Variants in RAP1GDS1 observed in about 807,000 individuals in gnomAD.
The protein encoded by RAP1GDS1 is Rap1 GTPase-GDP dissociation stimulator 1, also known as RAP1, GTP-GDP dissociation stimulator 1.
RAP1GDS1 carries 35 observed loss-of-function variants against 71.1 expected under a neutral mutation model. That is an observed-to-expected ratio of 0.49 (90% CI 0.38 to 0.65). The LOEUF is 0.65. RAP1GDS1 is among the 30% of genes least tolerant of loss of function. The pLI is 0.00. For missense variants in RAP1GDS1, 663 were observed against 706.1 expected, an observed-to-expected ratio of 0.94 and a Z score of 0.69; for synonymous variants, 229 against 243.1, an observed-to-expected ratio of 0.94 and a Z score of 0.54.
chr4:98,280,218 C>G (rs185478411), intron 1 of RAP1GDS1, among the ~76,000 whole-genome samples: 212 of 152,304 alleles, frequency 1.4e-3, no homozygotes, highest in African/African-American at 4.8e-3. Context: ...AGTTTACAGT[C>G]CCACCAACAG....
At position 98,313,992 on chromosome 4, in the gene RAP1GDS1, A is replaced by G. The variant is rs138426840; in HGVS notation, c.112+20477A>G. On this transcript the variant is annotated intron_variant, in intron 2 of 14. Transcript: ENST00000408927. The stretch of plus-strand genomic sequence containing the variant: ...GGATTCATAGTCTAGATTTTAGCAC[A>G]CAATGTTCTGTGAGGTGAGTCCATT... Among the ~76,000 whole-genome samples the G allele has an allele frequency of 2.1e-4, 32 of 152,320 alleles. No individual in the cohort carries two copies. In the East Asian group the frequency reaches 6.2e-3, roughly 29 times the overall value.
At chr4:98,405,204 A>T (rs1215007911) in intron 7 of RAP1GDS1, among the ~76,000 whole-genome samples, 1 of 152,188 alleles carries the variant, frequency 6.6e-6, no homozygotes, top group Non-Finnish European at 1.5e-5. Context: ...GTGTTCAAAG[A>T]GGTAAAAGCT....
intron 7 of RAP1GDS1, among the ~76,000 whole-genome samples, chr4:98,415,950 T>A (rs1469065710): frequency 6.6e-6 from 1 of 152,212 alleles, no homozygotes; most frequent in Non-Finnish European, 1.5e-5. Flanking sequence ...AGGGTCTCAC[T>A]CTGTTGCCCA....
intron 1 of RAP1GDS1, among the ~76,000 whole-genome samples, chr4:98,289,240 T>G (rs190931300): frequency 6.6e-6 from 1 of 152,220 alleles, no homozygotes; most frequent in Admixed American, 6.5e-5. Flanking sequence ...TTCATGTTTA[T>G]CAAGGTATAA....
At chr4:98,391,212 T>G (rs1743602646) in intron 5 of RAP1GDS1, among the ~76,000 whole-genome samples, 1 of 152,234 alleles carries the variant, frequency 6.6e-6, no homozygotes, top group African/African-American at 2.4e-5. Flanking sequence ...AAGGCATGTT[T>G]AGTACTTCAA....
At chr4:98,419,926 A>T (rs1366141614) in intron 10 of RAP1GDS1, 93 bp from the exon 11 acceptor site, 13 of 1,205,724 alleles carry the variant, frequency 1.1e-5, no homozygotes, top group Non-Finnish European at 1.4e-5. Flanking sequence ...TAAAACATGG[A>T]TCTTAAAGAT....
chr4:98,313,094 A>G (rs1313267455), intron 2 of RAP1GDS1, among the ~76,000 whole-genome samples: 4 of 147,694 alleles, frequency 2.7e-5, no homozygotes, highest in South Asian at 2.1e-4. Flanking sequence ...AAAAAAAAAA[A>G]AAAGAAATTG....
chr4:98,378,902 G>C, intron 4 of RAP1GDS1, 115 bp from the exon 5 acceptor site: 1 of 1,005,902 alleles, frequency 9.9e-7, no homozygotes. Context: ...GTCCTGCCTA[G>C]GTTTATTTTC....
intron 3 of RAP1GDS1, among the ~76,000 whole-genome samples, chr4:98,345,574 C>T (rs1312549188): frequency 6.6e-6 from 1 of 151,290 alleles, no homozygotes; most frequent in Non-Finnish European, 1.5e-5. Context: ...TAAGATATGA[C>T]ATATCTGTGA....
At chr4:98,420,718 C>A (rs1421375120) in intron 11 of RAP1GDS1, among the ~76,000 whole-genome samples, 1 of 152,040 alleles carries the variant, frequency 6.6e-6, no homozygotes, top group East Asian at 1.9e-4. Context: ...TACTTATAGT[C>A]CTGGTTTTAG....
intron 2 of RAP1GDS1, among the ~76,000 whole-genome samples, chr4:98,319,778 C>CAAA (rs35696332): frequency 8.8e-5 from 7 of 79,174 alleles, no homozygotes; most frequent in Non-Finnish European, 1.6e-4. Context: ...GAGAATGTCT[C>CAAA]AAAAAAAAAA....
chr4:98,423,029 G>A (rs181333276), intron 12 of RAP1GDS1, among the ~76,000 whole-genome samples: 16 of 152,332 alleles, frequency 1.1e-4, no homozygotes, highest in African/African-American at 3.4e-4. Context: ...AGTTCTTGCA[G>A]TGTAAATACT....
chr4:98,285,854 TAAA>T (rs1725892503), intron 1 of RAP1GDS1, among the ~76,000 whole-genome samples: 1 of 147,182 alleles, frequency 6.8e-6, no homozygotes, highest in African/African-American at 2.5e-5. Flanking sequence ...ATAATTTAAA[TAAA>T]TAATAAATTT....
At chr4:98,293,293 G>GTTAA (rs1727234426) in intron 1 of RAP1GDS1, 115 bp from the exon 2 acceptor site, 2 of 659,810 alleles carry the variant, frequency 3.0e-6, no homozygotes, top group East Asian at 5.6e-5. Context: ...GTACGTGGAG[G>GTTAA]TTAATTTGCT....
At chr4:98,302,820 C>T (rs562964266) in intron 2 of RAP1GDS1, among the ~76,000 whole-genome samples, 36 of 152,152 alleles carry the variant, frequency 2.4e-4, no homozygotes, top group South Asian at 1.7e-3. Context: ...CCAAGGTGGG[C>T]GGATCACTTG....
chr4:98,288,317 T>C (rs1254217893), intron 1 of RAP1GDS1, among the ~76,000 whole-genome samples: 1 of 152,142 alleles, frequency 6.6e-6, no homozygotes, highest in Non-Finnish European at 1.5e-5. Flanking sequence ...TTGCTGAGAA[T>C]GATGGTTTCC....
chr4:98,313,798 G>C (rs1056554730), intron 2 of RAP1GDS1, among the ~76,000 whole-genome samples: 1 of 152,218 alleles, frequency 6.6e-6, no homozygotes, highest in East Asian at 1.9e-4. Flanking sequence ...AGTAAGCCAT[G>C]ATCATGCCAC....
At position 98,436,945 on chromosome 4, in the gene RAP1GDS1, G is replaced by A; in HGVS notation, c.1573G>A (p.Ala525Thr). 1.2e-6 allele frequency: 2 copies of A among 1,604,126 alleles called. No individual in the cohort carries two copies. The highest frequency in any genetic ancestry group is 4.5e-5 in the East Asian group (2 of 44,614). ...ALIAALELGT[A>T]EKDLESAKLV... ...ATACTTTGTTTTATTTGTAGGCACT[G>A]CTGAGAAAGATCTAGAAAGTGCTAA... is the stretch of plus-strand genomic sequence containing the variant. The change falls in exon 14 of 15, where the codon GCT (alanine) becomes ACT (threonine). Residue 525 changes from alanine to threonine, a missense_variant. By Grantham distance (58) the Ala-to-Thr change is moderately conservative (BLOSUM62 0). Transcript: ENST00000408927.
chr4:98,330,846 C>A (rs1195807303), intron 2 of RAP1GDS1, among the ~76,000 whole-genome samples: 1 of 151,974 alleles, frequency 6.6e-6, no homozygotes, highest in Non-Finnish European at 1.5e-5. Flanking sequence ...TCCTCACATC[C>A]CAGACGATGG....
Sources: gnomAD v4.1 joint callset for allele counts (sites outside exome capture counted in the v4.1 genomes callset) on GRCh38, gnomAD v4.1.1 for gene constraint, MANE v1.5 for transcripts, NCBI Gene and HGNC (gene_info 2026-07-23, HGNC 2026-07-21) for gene names.